Variants in DLG2 observed in about 807,000 individuals in gnomAD.
DLG2 encodes the protein discs large MAGUK scaffold protein 2, also known as disks large homolog 2.
In DLG2, 45 loss-of-function variants were observed where a neutral mutation model predicts 132.5. The observed-to-expected ratio is 0.34, with a 90% confidence interval of 0.27 to 0.44. The LOEUF is 0.44. Among genes scored for constraint, DLG2 ranks in the 20% least tolerant of loss-of-function variants. The pLI, the probability that DLG2 is intolerant of heterozygous loss-of-function variation, is 1.00. For synonymous variants in DLG2, 424 were observed against 419.6 expected, an observed-to-expected ratio of 1.01 and a Z score of -0.13; for missense variants, 1,045 against 1,196.9, an observed-to-expected ratio of 0.87 and a Z score of 1.87.
chr11:85,611,984 AAGAG>A (rs1418786020), intron 2 of DLG2, among the ~76,000 whole-genome samples: 2 of 152,134 alleles, frequency 1.3e-5, no homozygotes, highest in Non-Finnish European at 2.9e-5. Flanking sequence ...TAGGAAGTCA[AAGAG>A]AGAGACAGAG....
intron 8 of DLG2, among the ~76,000 whole-genome samples, chr11:84,183,457 AC>A (rs1360049777): frequency 6.6e-6 from 1 of 152,140 alleles, no homozygotes; most frequent in African/African-American, 2.4e-5. Context: ...TATGCTATGA[AC>A]CTAAAACTGC....
At chr11:85,590,967 A>T (rs2079289875) in intron 3 of DLG2, among the ~76,000 whole-genome samples, 1 of 152,204 alleles carries the variant, frequency 6.6e-6, no homozygotes, top group Admixed American at 6.5e-5. Context: ...AGCACAAATA[A>T]TAGCATCCTT....
At chr11:83,476,897 T>A (rs1368756472) in intron 22 of DLG2, among the ~76,000 whole-genome samples, 1 of 152,144 alleles carries the variant, frequency 6.6e-6, no homozygotes, top group Non-Finnish European at 1.5e-5. Context: ...GAAAAACTGC[T>A]TTATAAAGAC....
intron 11 of DLG2, among the ~76,000 whole-genome samples, chr11:84,038,434 A>T (rs891881509): frequency 6.6e-6 from 1 of 152,140 alleles, no homozygotes; most frequent in Non-Finnish European, 1.5e-5. Flanking sequence ...TGTAAATCAA[A>T]ACCACAATTA....
chr11:85,212,841 T>C (rs1049517885), intron 4 of DLG2, among the ~76,000 whole-genome samples: 6 of 152,108 alleles, frequency 3.9e-5, no homozygotes, highest in Middle Eastern at 3.2e-3. Flanking sequence ...TCTGATCAAA[T>C]AAAAGACCTT....
rs1365262765 is a variant in DLG2 at position 84,916,112 on chromosome 11, G to A, written c.357+195549C>T. On this transcript the variant is annotated intron_variant, in intron 6 of 27. Transcript: ENST00000376104. The stretch of plus-strand genomic sequence containing the variant: ...TGTAATCCCAGCACTTTGGGAGGCC[G>A]AGGCGGGCGGATCACGAGGTCAGGA... 2.0e-5 allele frequency among the ~76,000 whole-genome samples: 3 copies of A among 151,858 alleles called. No homozygotes were observed. The East Asian group carries it at 5.8e-4, about 29-fold the overall frequency.
intron 7 of DLG2, among the ~76,000 whole-genome samples, chr11:84,501,228 C>A (rs1375897518): frequency 2.6e-5 from 4 of 152,170 alleles, no homozygotes; most frequent in African/African-American, 9.7e-5. Context: ...TCAAATTATA[C>A]AAACGGTCAC....
At chr11:84,731,627 A>C (rs903543622) in intron 6 of DLG2, among the ~76,000 whole-genome samples, 3 of 151,976 alleles carry the variant, frequency 2.0e-5, no homozygotes, top group Non-Finnish European at 2.9e-5. Flanking sequence ...AGATAAACGT[A>C]ATACAGAAAA....
At chr11:83,469,494 T>A in intron 24 of DLG2, 121 bp from the exon 25 acceptor site, 1 of 719,632 alleles carries the variant, frequency 1.4e-6, no homozygotes, top group Non-Finnish European at 2.2e-6. Context: ...TGAAGAAATA[T>A]GACATAGTAA....
intron 6 of DLG2, among the ~76,000 whole-genome samples, chr11:84,856,636 C>G (rs1357127661): frequency 6.6e-6 from 1 of 152,062 alleles, no homozygotes; most frequent in African/African-American, 2.4e-5. Context: ...CATGGCTAGT[C>G]ACCTCACTTC....
intron 9 of DLG2, among the ~76,000 whole-genome samples, chr11:84,099,681 C>G (rs1178714795): frequency 6.7e-6 from 1 of 150,296 alleles, no homozygotes; most frequent in Non-Finnish European, 1.5e-5. Context: ...AGCTTCTATT[C>G]TAATAAAGCC....
intron 11 of DLG2, among the ~76,000 whole-genome samples, chr11:84,031,863 G>A (rs80151282): frequency 0.011 from 1,741 of 152,186 alleles, 27 homozygotes; most frequent in African/African-American, 0.039. Context: ...TTCACTTCAC[G>A]TCGTGTGTCA....
At chr11:83,945,324 A>G (rs2083575430) in intron 14 of DLG2, among the ~76,000 whole-genome samples, 1 of 152,210 alleles carries the variant, frequency 6.6e-6, no homozygotes, top group African/African-American at 2.4e-5. Flanking sequence ...TAACTGAAAT[A>G]TTAATGTGAG....
chr11:85,513,275 C>T (rs1233064381), intron 3 of DLG2, among the ~76,000 whole-genome samples: 1 of 151,832 alleles, frequency 6.6e-6, no homozygotes, highest in Non-Finnish European at 1.5e-5. Flanking sequence ...TCATTAGAAG[C>T]CCAAACCTCA....
intron 6 of DLG2, among the ~76,000 whole-genome samples, chr11:84,557,716 A>G (rs532954688): frequency 6.6e-6 from 1 of 151,794 alleles, no homozygotes; most frequent in African/African-American, 2.4e-5. Flanking sequence ...TCCTTTCCGG[A>G]ATAACAAAAC....
intron 18 of DLG2, among the ~76,000 whole-genome samples, chr11:83,644,171 A>C (rs1263298209): frequency 6.6e-6 from 1 of 152,134 alleles, no homozygotes; most frequent in African/African-American, 2.4e-5. Flanking sequence ...CAGCATACAT[A>C]CAACTATTTA....
intron 3 of DLG2, among the ~76,000 whole-genome samples, chr11:85,557,544 G>T (rs535438039): frequency 6.6e-6 from 1 of 151,546 alleles, no homozygotes; most frequent in African/African-American, 2.4e-5. Context: ...CACATTACCC[G>T]ACCTCAAACT....
chr11:84,580,342 A>C (rs563454561), intron 6 of DLG2, among the ~76,000 whole-genome samples: 1 of 152,358 alleles, frequency 6.6e-6, no homozygotes, highest in African/African-American at 2.4e-5. Flanking sequence ...AGATAAAACC[A>C]GTCTCCAAAC....
chr11:84,204,525 A>G (rs1345098430), intron 8 of DLG2, among the ~76,000 whole-genome samples: 2 of 152,150 alleles, frequency 1.3e-5, no homozygotes, highest in East Asian at 3.9e-4. Context: ...GCTGGAAAGG[A>G]AGATCAAAGA....
Sources: gnomAD v4.1 joint callset for allele counts (sites outside exome capture counted in the v4.1 genomes callset) on GRCh38, gnomAD v4.1.1 for gene constraint, MANE v1.5 for transcripts, NCBI Gene and HGNC (gene_info 2026-07-23, HGNC 2026-07-21) for gene names.